GRIA4: variants seen among roughly 807,000 people sequenced by gnomAD.
GRIA4 encodes the protein glutamate receptor 4.
A neutral mutation model predicts 104.0 loss-of-function variants in GRIA4; 34 were observed. That is an observed-to-expected ratio of 0.33 (90% confidence interval 0.25 to 0.44). The LOEUF (loss-of-function observed/expected upper bound fraction) is 0.44, where lower values mean the gene tolerates loss of function less well. GRIA4 is among the 20% of genes least tolerant of loss of function. GRIA4 has a pLI of 1.00. For missense variants in GRIA4, 750 were observed against 1,096.5 expected (o/e 0.68, Z 4.46); for synonymous variants, 386 against 381.9 (o/e 1.01, Z -0.13).
intron 3 of GRIA4, among the ~76,000 whole-genome samples, chr11:105,666,099 A>G (rs1017605566): frequency 2.0e-5 from 3 of 152,080 alleles, no homozygotes; most frequent in African/African-American, 7.2e-5. Flanking sequence ...GTAAAGTGAT[A>G]GCTATTAATA....
intron 7 of GRIA4, among the ~76,000 whole-genome samples, chr11:105,899,121 T>G (rs1270516934): frequency 6.6e-6 from 1 of 152,202 alleles, no homozygotes; most frequent in Admixed American, 6.5e-5. Context: ...GTTTTATGTA[T>G]AATTTGGAAA....
intron 9 of GRIA4, among the ~76,000 whole-genome samples, chr11:105,905,513 T>G (rs1947012458): frequency 6.6e-6 from 1 of 152,208 alleles, no homozygotes; most frequent in Admixed American, 6.5e-5. Flanking sequence ...CAAACTAATT[T>G]ATACACTGTT....
chr11:105,708,431 G>A (rs1953787637), intron 3 of GRIA4, among the ~76,000 whole-genome samples: 1 of 152,034 alleles, frequency 6.6e-6, no homozygotes, highest in Non-Finnish European at 1.5e-5. Context: ...CCAGAATGTA[G>A]AGAGAAGCTA....
chr11:105,739,072 C>T (rs148782280), intron 3 of GRIA4, among the ~76,000 whole-genome samples: 13 of 152,056 alleles, frequency 8.5e-5, no homozygotes, highest in African/African-American at 2.2e-4. Context: ...CTTACGGTTA[C>T]GGATTAGTAG....
At chr11:105,642,405 T>C (rs1951392495) in intron 3 of GRIA4, among the ~76,000 whole-genome samples, 1 of 152,076 alleles carries the variant, frequency 6.6e-6, no homozygotes, top group Non-Finnish European at 1.5e-5. Context: ...ATTCCATTTA[T>C]GCAGTGGGTC....
At chr11:105,879,548 T>C (rs1289313859) in intron 5 of GRIA4, among the ~76,000 whole-genome samples, 1 of 152,230 alleles carries the variant, frequency 6.6e-6, no homozygotes, top group Non-Finnish European at 1.5e-5. Flanking sequence ...TGCTTTATTA[T>C]GCATATATGA....
At chr11:105,909,401 C>A (rs771795593) in intron 9 of GRIA4, among the ~76,000 whole-genome samples, 2 of 152,064 alleles carry the variant, frequency 1.3e-5, no homozygotes, top group Non-Finnish European at 2.9e-5. Context: ...GTTTGTCACG[C>A]ATTAAATGAA....
chr11:105,755,791 T>C (rs1940275136), intron 4 of GRIA4, among the ~76,000 whole-genome samples: 1 of 152,236 alleles, frequency 6.6e-6, no homozygotes, highest in South Asian at 2.1e-4. Context: ...AAGGGTAAAT[T>C]TGTTCTCTGT....
At chr11:105,948,219 G>C (rs538865844) in intron 14 of GRIA4, among the ~76,000 whole-genome samples, 1 of 152,158 alleles carries the variant, frequency 6.6e-6, no homozygotes, top group East Asian at 1.9e-4. Flanking sequence ...AGCTCTGGTA[G>C]GTTAAGCAAG....
At chr11:105,654,825 T>C (rs1315323471) in intron 3 of GRIA4, among the ~76,000 whole-genome samples, 1 of 152,164 alleles carries the variant, frequency 6.6e-6, no homozygotes, top group Non-Finnish European at 1.5e-5. Flanking sequence ...CACAGACTCC[T>C]AAATACAACT....
chr11:105,929,567 T>C (rs775494191), intron 13 of GRIA4, among the ~76,000 whole-genome samples: 10 of 152,144 alleles, frequency 6.6e-5, no homozygotes, highest in Non-Finnish European at 8.8e-5. Flanking sequence ...AACACAGTGA[T>C]CTTCATTTCA....
chr11:105,623,766 C>CT (rs144863495), intron 3 of GRIA4, among the ~76,000 whole-genome samples: 1,638 of 150,354 alleles, frequency 0.011, 18 homozygotes, highest in African/African-American at 0.036. Flanking sequence ...TAATGATCAT[C>CT]TTTTTTTTAT....
rs533579225 is a variant in GRIA4, at chr11:105,666,937, G to C, written c.247+54503G>C. On this transcript the variant is annotated intron_variant, in intron 3 of 16. Coordinates refer to ENST00000282499, the MANE Select transcript of GRIA4 (RefSeq NM_000829.4). ...TCTCTGTGGGGTTTTGCAGCACACG[G>C]TCTGTGCATACTCTCAAGATCACTC... Among the ~76,000 whole-genome samples the C allele has an allele frequency of 7.2e-5, 11 of 151,852 alleles. No homozygotes were observed. In the East Asian group the frequency reaches 2.1e-3, roughly 30 times the overall value.
At chr11:105,819,781 T>C (rs144473069) in intron 4 of GRIA4, among the ~76,000 whole-genome samples, 1 of 152,144 alleles carries the variant, frequency 6.6e-6, no homozygotes, top group African/African-American at 2.4e-5. Flanking sequence ...CATTGAACTG[T>C]GTTCATCTAA....
chr11:105,768,700 C>G (rs1217456156), intron 4 of GRIA4, among the ~76,000 whole-genome samples: 2 of 151,898 alleles, frequency 1.3e-5, no homozygotes, highest in African/African-American at 4.8e-5. Context: ...TGAGGGCCTT[C>G]CTACTATGAG....
chr11:105,811,500 G>T (rs190226735), intron 4 of GRIA4, among the ~76,000 whole-genome samples: 9 of 152,166 alleles, frequency 5.9e-5, no homozygotes, highest in Admixed American at 3.9e-4. Flanking sequence ...GGGGTGACTG[G>T]AATTGCTCAG....
At chr11:105,955,462 T>G (rs763457524) in intron 14 of GRIA4, among the ~76,000 whole-genome samples, 48 of 152,248 alleles carry the variant, frequency 3.2e-4, no homozygotes, top group Non-Finnish European at 6.8e-4. Context: ...CTCATTCCTT[T>G]TTATGGCTGC....
At chr11:105,968,643 A>G (rs61900569) in intron 14 of GRIA4, among the ~76,000 whole-genome samples, 6 of 152,210 alleles carry the variant, frequency 3.9e-5, no homozygotes, top group Non-Finnish European at 8.8e-5. Flanking sequence ...GTGGGGTACA[A>G]ATTCCTTCAT....
rs148606408 is a variant in GRIA4, at chr11:105,835,216, G to A, written c.488-26808G>A. Among the ~76,000 whole-genome samples the A allele has an allele frequency of 1.6e-3, 243 of 151,680 alleles. 2 individuals carry two copies. Among genetic ancestry groups the A allele is most frequent in the African/African-American group, 5.4e-3 (223 of 41,394 alleles). On this transcript the variant is annotated intron_variant, in intron 4 of 16. Transcript: ENST00000282499. ...GTAGAAAGAAAAAATTAATTATATTGCCAACTTGTAAGTAGAGATTTTCTT... is the reference window on the plus strand; with the variant it reads ...GTAGAAAGAAAAAATTAATTATATTACCAACTTGTAAGTAGAGATTTTCTT...
Sources: allele counts gnomAD v4.1 joint callset (sites outside exome capture counted in the v4.1 genomes callset), GRCh38; gene constraint gnomAD v4.1.1; transcripts MANE v1.5; gene names NCBI Gene and HGNC (gene_info 2026-07-23, HGNC 2026-07-21).